CLTB: variants seen among roughly 807,000 people sequenced by gnomAD.
CLTB encodes clathrin, light chain (Lcb).
In CLTB, 10 loss-of-function variants were observed where a neutral mutation model predicts 30.5. The observed-to-expected ratio is 0.33, with a 90% CI of 0.20 to 0.56. The LOEUF (loss-of-function observed/expected upper bound fraction) is 0.56, where lower values mean the gene tolerates loss of function less well. CLTB is among the 20% of genes least tolerant of loss of function. The pLI, the probability that CLTB is intolerant of heterozygous loss-of-function variation, is 0.91. For synonymous variants in CLTB, 102 were observed against 120.3 expected (o/e 0.85, Z 1.00); for missense variants, 261 against 308.3 (o/e 0.85, Z 1.15).
chr5:176,409,430 T>C (rs1166731535), intron 2 of CLTB, among the ~76,000 whole-genome samples: 21 of 113,720 alleles, frequency 1.8e-4, no homozygotes, highest in African/African-American at 3.5e-4. Flanking sequence ...TTTTTTTTTT[T>C]CAGACAGAGT....
At position 176,393,476 on chromosome 5, in the gene CLTB, A is replaced by G. The variant is rs960317462; in HGVS notation, c.519-531T>C. Among the ~76,000 whole-genome samples the G allele has an allele frequency of 6.6e-6, 1 of 152,232 alleles. No homozygotes were observed. Among genetic ancestry groups the G allele is most frequent in the Non-Finnish European group, 1.5e-5 (1 of 68,034 alleles). On this transcript the variant is annotated intron_variant, in intron 5 of 5. Transcript: ENST00000310418. The surrounding 1 kb of genome is among the most constrained non-coding windows in gnomAD (Gnocchi z 4.4). Reference sequence around the variant, plus strand: ...GATTCTCCAGAAAGACTGTGGTCAAATACCTATGGAAAACCCAGCTAAAGA... The same window carrying G: ...GATTCTCCAGAAAGACTGTGGTCAAGTACCTATGGAAAACCCAGCTAAAGA...
Position 176,416,458 on chromosome 5 carries a change from C to T in CLTB, c.-95G>A. ...GCGGCCGCGACGCTGTCACCCGAGC[C>T]GCGGGGGAGCCGGCGTCGGCGGGGA... On this transcript the variant is annotated 5_prime_UTR_variant, in exon 1 of 6. Transcript: ENST00000310418. 9.9e-7 allele frequency: 1 copy of T among 1,008,548 alleles called. No homozygotes were observed. Among genetic ancestry groups the T allele is most frequent in the Non-Finnish European group, 1.2e-6 (1 of 840,058 alleles). The allele number at this position is 1,008,548 out of a possible 1,614,324, so 62.5% of individuals were successfully genotyped here.
intron 2 of CLTB, among the ~76,000 whole-genome samples, chr5:176,409,867 T>G (rs1757337673): frequency 6.6e-6 from 1 of 152,202 alleles, no homozygotes; most frequent in Admixed American, 6.5e-5. Flanking sequence ...TTGGGAAAAT[T>G]CTGGAAGTGG....
At chr5:176,404,209 G>A (rs1319133234) in intron 2 of CLTB, among the ~76,000 whole-genome samples, 6 of 152,292 alleles carry the variant, frequency 3.9e-5, no homozygotes, top group African/African-American at 7.2e-5. Context: ...CTTCTGTGAC[G>A]CATAGTTTGT....
intron 3 of CLTB, 48 bp from the exon 4 acceptor site, chr5:176,397,766 C>G (rs1345102195): frequency 6.3e-7 from 1 of 1,574,830 alleles, no homozygotes; most frequent in Non-Finnish European, 8.7e-7. Context: ...CTGGGATGCA[C>G]AGGCCCGGCC....
chr5:176,398,613 G>A (rs943254887), intron 2 of CLTB, among the ~76,000 whole-genome samples: 2 of 151,968 alleles, frequency 1.3e-5, no homozygotes, highest in African/African-American at 4.8e-5. Flanking sequence ...TCCGGAGGCT[G>A]AGGCAGGAGA....
At chr5:176,406,578 C>G in intron 2 of CLTB, 1 of 1,288,850 alleles carries the variant, frequency 7.8e-7, no homozygotes, top group Non-Finnish European at 1.0e-6. Context: ...GGTGGGGAGG[C>G]GGAGTCCTGC....
chr5:176,397,773 G>A (rs1390648893), intron 3 of CLTB, 55 bp from the exon 4 acceptor site: 37 of 1,560,532 alleles, frequency 2.4e-5, no homozygotes, highest in Admixed American at 1.8e-4. Flanking sequence ...GCACAGGCCC[G>A]GCCGCGCTCC....
chr5:176,395,400 C>T (rs961056528), intron 5 of CLTB, among the ~76,000 whole-genome samples: 1 of 152,178 alleles, frequency 6.6e-6, no homozygotes, highest in African/African-American at 2.4e-5. Context: ...TCTTACCAAT[C>T]TGGCACAAGG....
chr5:176,410,182 TACA>T (rs1757354502), intron 2 of CLTB, 72 bp downstream of exon 2: 9 of 1,302,142 alleles, frequency 6.9e-6, no homozygotes, highest in African/African-American at 2.9e-5. Flanking sequence ...GCTGTAAGCC[TACA>T]ACAATGAGGC....
chr5:176,394,496 A>AC, intron 5 of CLTB, among the ~76,000 whole-genome samples: 1 of 151,830 alleles, frequency 6.6e-6, no homozygotes, highest in Non-Finnish European at 1.5e-5. Context: ...ACATGGTGAA[A>AC]CCCCATCTCT....
In CLTB at chr5:176,396,474, C is replaced by T. The variant is rs1322612618; in HGVS notation, c.518+5G>A. Reference sequence around the variant, plus strand: ...CCCCAACAGAGAAGCAAAACAGACACGTACACGTAGCCGATGATATCAGCA... The same window carrying T: ...CCCCAACAGAGAAGCAAAACAGACATGTACACGTAGCCGATGATATCAGCA... On this transcript the variant is annotated splice_donor_5th_base_variant and intron_variant, in intron 5 of 5. Transcript: ENST00000310418. 3.1e-6 allele frequency: 5 copies of T among 1,612,998 alleles called. No individual in the cohort carries two copies. Among genetic ancestry groups the T allele is most frequent in the Non-Finnish European group, 4.2e-6 (5 of 1,179,026 alleles).
chr5:176,397,302 A>C (rs1581425802), intron 4 of CLTB, among the ~76,000 whole-genome samples: 2 of 149,584 alleles, frequency 1.3e-5, no homozygotes, highest in Non-Finnish European at 1.5e-5. Context: ...TCATGTCCCC[A>C]CAGCCCCTCT....
intron 5 of CLTB, among the ~76,000 whole-genome samples, chr5:176,394,563 A>G (rs945831325): frequency 2.0e-5 from 3 of 151,890 alleles, no homozygotes; most frequent in Admixed American, 6.6e-5. Context: ...CATGCCTGTA[A>G]TCCCAGCACT....
intron 2 of CLTB, chr5:176,406,161 G>A: frequency 2.0e-6 from 2 of 987,364 alleles, no homozygotes; most frequent in Non-Finnish European, 2.4e-6. Flanking sequence ...AATCACCTGA[G>A]CATCTCAGTG....
chr5:176,392,674 G>T lies in CLTB; in HGVS notation c.*100C>A. ...GAGATGGGGAGGAGTGGAATAGGCT[G>T]TGGGTAGCAGCTGCTGCGAGTCTCC... On this transcript the variant is annotated 3_prime_UTR_variant, in exon 6 of 6. Transcript: ENST00000310418. The surrounding 1 kb of genome is among the most constrained non-coding windows in gnomAD (Gnocchi z 5.2). The T allele has an allele frequency of 7.3e-7, 1 of 1,379,050 alleles. No homozygotes were observed. The highest frequency in any genetic ancestry group is 1.0e-6 in the Non-Finnish European group (1 of 994,418). The allele number at this position is 1,379,050 out of a possible 1,614,324, so 85.4% of individuals were successfully genotyped here. A position where few individuals can be genotyped will look rare whatever the true frequency, so the allele number is the denominator to read the frequency against.
At chr5:176,413,822 G>T (rs949926154) in intron 1 of CLTB, among the ~76,000 whole-genome samples, 2 of 152,170 alleles carry the variant, frequency 1.3e-5, no homozygotes, top group African/African-American at 2.4e-5. Flanking sequence ...CCTGCTCCCC[G>T]ATCCAACTAA....
chr5:176,392,692 G>T lies in CLTB; in HGVS notation c.*82C>A. 1 of 1,505,856 alleles carries T rather than the reference G, an allele frequency of 6.6e-7. No individual in the cohort carries two copies. The allele number at this position is 1,505,856 out of a possible 1,614,324, so 93.3% of individuals were successfully genotyped here. ...ATAGGCTGTGGGTAGCAGCTGCTGC[G>T]AGTCTCCACCCCGACCAAAGCAGCT... is the stretch of plus-strand genomic sequence containing the variant. On this transcript the variant is annotated 3_prime_UTR_variant, in exon 6 of 6. Transcript: ENST00000310418. This position sits in a 1 kb window ranked among gnomAD's most constrained non-coding sequence, Gnocchi z 5.2.
intron 2 of CLTB, chr5:176,406,076 C>T: frequency 3.4e-6 from 3 of 880,740 alleles, no homozygotes; most frequent in South Asian, 5.2e-5. Context: ...CTGCTCAGAA[C>T]TTATTTTCCT....
Sources: allele counts gnomAD v4.1 joint callset (sites outside exome capture counted in the v4.1 genomes callset), GRCh38; gene constraint gnomAD v4.1.1; non-coding constraint Gnocchi (gnomAD v3.1); transcripts MANE v1.5; gene names NCBI Gene and HGNC (gene_info 2026-07-23, HGNC 2026-07-21).